The following PIK3R6 variants were observed in gnomAD, a reference collection of about 807,000 sequenced individuals.
PIK3R6 encodes the protein phosphoinositide 3-kinase regulatory subunit 6.
Under a neutral mutation model 84.9 loss-of-function variants are expected in PIK3R6, and 91 were observed. That is an observed-to-expected ratio of 1.07 (90% CI 0.90 to 1.28). PIK3R6 has a LOEUF of 1.28. Ranked by LOEUF, PIK3R6 falls within the 50% of genes most tolerant of loss-of-function variation. The pLI, the probability that PIK3R6 is intolerant of heterozygous loss-of-function variation, is 0.00. For missense variants in PIK3R6, 996 were observed against 985.1 expected (o/e 1.01, Z -0.15); for synonymous variants, 416 against 411.4 (o/e 1.01, Z -0.13).
chr17:8,837,300 C>T (rs1325265986), intron 5 of PIK3R6, among the ~76,000 whole-genome samples: 2 of 152,082 alleles, frequency 1.3e-5, no homozygotes, highest in Non-Finnish European at 2.9e-5. Context: ...CCTTGCATCC[C>T]ACAGGCCTGA....
Position 8,803,366 on chromosome 17 carries a change from G to A in PIK3R6, c.2172C>T (p.Leu724=). The A allele has an allele frequency of 6.2e-7, 1 of 1,613,732 alleles. No individual in the cohort carries two copies. Reference sequence around the variant, plus strand: ...CCACCTCCTGTTGCCCATGCAAATTGAGCCACGGTGCCTTGGACTTCTGGG... The same window carrying A: ...CCACCTCCTGTTGCCCATGCAAATTAAGCCACGGTGCCTTGGACTTCTGGG... ...SGAQKSKAPW[L]NLHGQQEVEA... Residue 724 remains leucine (L), a synonymous_variant, in exon 20 of 20, where the codon CTC becomes CTT. Coordinates refer to ENST00000619866, the MANE Select transcript of PIK3R6 (RefSeq NM_001010855.4). The surrounding 1 kb of genome is among the most constrained non-coding windows in gnomAD (Gnocchi z 5.0).
At chr17:8,835,520 A>C in intron 7 of PIK3R6, 64 bp from the exon 8 acceptor site, 1 of 1,388,940 alleles carries the variant, frequency 7.2e-7, no homozygotes, top group Non-Finnish European at 9.8e-7. Flanking sequence ...GGGCCACCGG[A>C]TGGGCACCCT....
At chr17:8,846,611 A>G (rs1034624569) in intron 2 of PIK3R6, among the ~76,000 whole-genome samples, 2 of 152,104 alleles carry the variant, frequency 1.3e-5, no homozygotes, top group Non-Finnish European at 2.9e-5. Flanking sequence ...ATAGTTTTCC[A>G]TTTGTTTGTG....
intron 18 of PIK3R6, among the ~76,000 whole-genome samples, chr17:8,806,395 G>A (rs1204654900): frequency 6.6e-6 from 1 of 152,172 alleles, no homozygotes; most frequent in African/African-American, 2.4e-5. Context: ...CATGGACCTA[G>A]CCCCACCTTC....
chr17:8,814,559 A>G (rs907865738), intron 18 of PIK3R6, among the ~76,000 whole-genome samples: 3 of 152,112 alleles, frequency 2.0e-5, no homozygotes, highest in Non-Finnish European at 2.9e-5. Flanking sequence ...CCATAAAACA[A>G]GAAAGAGTCC....
chr17:8,828,700 G>A lies in PIK3R6; in HGVS notation c.1180C>T (p.His394Tyr). Reference protein sequence around the residue: ...PGSWDGPPGLHRRTGRPSGDG... With the variant: ...PGSWDGPPGLYRRTGRPSGDG... ...CCACTGGGCCGGCCTGTCCTCCGGT[G>A]CAGCCCTGGGGGCCCGTCCCAGCTG... The change falls in exon 11 of 20, where the codon CAC (histidine) becomes TAC (tyrosine). Residue 394 changes from histidine (H) to tyrosine (Y), a missense_variant. His to Tyr is a moderately conservative substitution (Grantham distance 83). Transcript: ENST00000619866. 4 of 1,611,056 alleles carry A rather than the reference G, an allele frequency of 2.5e-6. No homozygotes were observed. Among genetic ancestry groups the A allele is most frequent in the Non-Finnish European group, 3.4e-6 (4 of 1,178,830 alleles).
intron 9 of PIK3R6, among the ~76,000 whole-genome samples, chr17:8,832,124 G>T (rs2088262078): frequency 6.6e-6 from 1 of 152,150 alleles, no homozygotes; most frequent in Admixed American, 6.5e-5. Flanking sequence ...GCCTGGATTT[G>T]TATCTTGGCT....
At position 8,828,760 on chromosome 17, in the gene PIK3R6, TCTTGATGC is replaced by T; in HGVS notation, c.1112_1119del (p.Gly371GlufsTer51). On this transcript the variant is annotated frameshift_variant, in exon 11 of 20. Transcript: ENST00000619866. LOFTEE classifies it high-confidence loss of function. Reference sequence around the variant, plus strand: ...AAGAAGTCCAGGGGCCATGCACGCTTCTTGATGCCCCCTTTGCGCTGCAGCCCGGCTCG... The same window carrying T: ...AAGAAGTCCAGGGGCCATGCACGCTTCCCCTTTGCGCTGCAGCCCGGCTCG... The T allele has an allele frequency of 1.3e-6, 2 of 1,598,042 alleles. No individual in the cohort carries two copies. The highest frequency in any genetic ancestry group is 2.2e-5 in the South Asian group (2 of 89,798).
intron 16 of PIK3R6, 44 bp from the exon 17 acceptor site, chr17:8,821,980 A>G: frequency 1.4e-6 from 2 of 1,455,678 alleles, no homozygotes; most frequent in Non-Finnish European, 1.9e-6. Flanking sequence ...CTCAGGACAT[A>G]CCCTTTCCCC....
chr17:8,862,812 A>C lies in PIK3R6; in HGVS notation c.-92+4717T>G, dbSNP rs990205508. On this transcript the variant is annotated intron_variant, in intron 1 of 19. Coordinates refer to ENST00000619866, the MANE Select transcript of PIK3R6 (RefSeq NM_001010855.4). This position sits in a 1 kb window ranked among gnomAD's most constrained non-coding sequence, Gnocchi z 4.3. ...AGTCAGCAAGACTCCTGGCAGCCAA[A>C]ATAGGCAGCGGGAAAGTGGCTGAGG... 6.6e-6 allele frequency among the ~76,000 whole-genome samples: 1 copy of C among 152,120 alleles called. No individual in the cohort carries two copies. The highest frequency in any genetic ancestry group is 1.5e-5 in the Non-Finnish European group (1 of 68,026).
Position 8,838,665 on chromosome 17 carries a change from G to C in PIK3R6, c.98-10C>G. On this transcript the variant is annotated splice_polypyrimidine_tract_variant and intron_variant, in intron 3 of 19. Coordinates refer to ENST00000619866, the MANE Select transcript of PIK3R6 (RefSeq NM_001010855.4). The stretch of plus-strand genomic sequence containing the variant: ...GACCACCTCCACATGCCTGGGCCAG[G>C]AGAAAGGGGAGCCCGGCATGAGCAG... 2 of 1,586,246 alleles carry C rather than the reference G, an allele frequency of 1.3e-6. No homozygotes were observed. The highest frequency in any genetic ancestry group is 1.7e-6 in the Non-Finnish European group (2 of 1,166,120).
At chr17:8,816,897 A>C (rs1276408877) in intron 18 of PIK3R6, among the ~76,000 whole-genome samples, 1 of 152,208 alleles carries the variant, frequency 6.6e-6, no homozygotes, top group Non-Finnish European at 1.5e-5. Flanking sequence ...TTTCACTTCT[A>C]GGCATTCTTC....
chr17:8,822,049 AGTCT>A, intron 16 of PIK3R6, 113 bp from the exon 17 acceptor site: 2 of 527,564 alleles, frequency 3.8e-6, no homozygotes, highest in Non-Finnish European at 6.2e-6. Flanking sequence ...CTGCTGTGAG[AGTCT>A]TTTTTTTTTT....
rs138248130 is a variant in PIK3R6 at position 8,833,091 on chromosome 17, C to T, written c.646-46G>A. 1.3e-4 allele frequency: 189 copies of T among 1,501,462 alleles called. 3 individuals are homozygous for T. The East Asian group carries it at 2.6e-3, about 20-fold the overall frequency. The allele number at this position is 1,501,462 out of a possible 1,614,324, so 93.0% of individuals were successfully genotyped here. ...AGCCTGGGTCTTGGCCCAGCGCCCA[C>T]GCACCCCAGCTCCTAAGCCAAGTCC... On this transcript the variant is annotated intron_variant, in intron 8 of 19. Transcript: ENST00000619866.
At chr17:8,857,508 C>A (rs564081710) in intron 1 of PIK3R6, among the ~76,000 whole-genome samples, 1 of 152,070 alleles carries the variant, frequency 6.6e-6, no homozygotes. Context: ...CTGTCTGGGG[C>A]GGCCTGGGTT....
intron 14 of PIK3R6, 134 bp downstream of exon 14, chr17:8,823,253 G>C: frequency 1.2e-6 from 1 of 804,262 alleles, no homozygotes; most frequent in Non-Finnish European, 2.0e-6. Context: ...TAGAGATGAA[G>C]AAGGTAACGT....
In PIK3R6 at chr17:8,820,417, GA is replaced by G. The variant is rs35027109; in HGVS notation, c.1880-1220del. Among the ~76,000 whole-genome samples, 179 of 147,876 alleles carry G rather than the reference GA, an allele frequency of 1.2e-3. 2 individuals carry two copies. The highest frequency in any genetic ancestry group is 5.0e-4 in the Non-Finnish European group (33 of 66,622). ...GTAGCTACTTATTATCTCCATTTTA[GA>G]AAAAAAAAACAGGTAGAGAGGACAC... is the stretch of plus-strand genomic sequence containing the variant. On this transcript the variant is annotated intron_variant, in intron 17 of 19. Transcript: ENST00000619866.
chr17:8,864,782 C>T (rs1173602871), intron 1 of PIK3R6, among the ~76,000 whole-genome samples: 1 of 152,004 alleles, frequency 6.6e-6, no homozygotes, highest in African/African-American at 2.4e-5. Context: ...CGTGATCCAC[C>T]CACCTCGGCC....
chr17:8,810,158 C>T (rs1035859451), intron 18 of PIK3R6, among the ~76,000 whole-genome samples: 2 of 143,366 alleles, frequency 1.4e-5, no homozygotes, highest in East Asian at 2.5e-4. Flanking sequence ...TGGAAGAAGG[C>T]AAAGGAGGAG....
Sources: allele counts gnomAD v4.1 joint callset (sites outside exome capture counted in the v4.1 genomes callset), GRCh38; gene constraint gnomAD v4.1.1; non-coding constraint Gnocchi (gnomAD v3.1); transcripts MANE v1.5; gene names NCBI Gene and HGNC (gene_info 2026-07-23, HGNC 2026-07-21).